Variants in CADPS2 observed in about 807,000 individuals in gnomAD.
CADPS2 encodes the protein calcium dependent secretion activator 2.
CADPS2 carries 93 observed loss-of-function variants against 172.5 expected under a neutral mutation model. That is an observed-to-expected ratio of 0.54 (90% CI 0.46 to 0.64). The LOEUF (loss-of-function observed/expected upper bound fraction) is 0.64, where lower values mean the gene tolerates loss of function less well. CADPS2 is among the 30% of genes least tolerant of loss of function. CADPS2 has a pLI of 0.00. For synonymous variants in CADPS2, 546 were observed against 555.2 expected, an observed-to-expected ratio of 0.98 and a Z score of 0.23; for missense variants, 1,420 against 1,565.9, an observed-to-expected ratio of 0.91 and a Z score of 1.57.
chr7:122,585,728 T>C (rs969922907), intron 6 of CADPS2: 14 of 151,942 alleles, frequency 9.2e-5, no homozygotes, highest in African/African-American at 3.4e-4. Context: ...CCAAGGTAAA[T>C]GTTCGAATGA....
intron 7 of CADPS2, among the ~76,000 whole-genome samples, chr7:122,574,696 G>C (rs1399581757): frequency 6.6e-6 from 1 of 151,440 alleles, no homozygotes; most frequent in Non-Finnish European, 1.5e-5. Flanking sequence ...GGAAAAGGAA[G>C]ATAGTAAAGG....
intron 1 of CADPS2, among the ~76,000 whole-genome samples, chr7:122,790,391 C>T (rs371390195): frequency 1.5e-5 from 2 of 131,866 alleles, no homozygotes; most frequent in Non-Finnish European, 3.1e-5. Flanking sequence ...AGCCAGACAG[C>T]GTTTCTAAAA....
chr7:122,801,757 C>A (rs1322842602), intron 1 of CADPS2, among the ~76,000 whole-genome samples: 1 of 143,950 alleles, frequency 6.9e-6, no homozygotes, highest in African/African-American at 2.7e-5. Context: ...CCAAGAGAAT[C>A]TTTTTTTTTA....
At chr7:122,366,111 TG>T (rs1188063754) in intron 25 of CADPS2, among the ~76,000 whole-genome samples, 2 of 151,508 alleles carry the variant, frequency 1.3e-5, no homozygotes, top group African/African-American at 4.8e-5. Flanking sequence ...TTTTTTTTTT[TG>T]TTAAGATCAG....
At chr7:122,446,714 G>A (rs982360994) in intron 15 of CADPS2, among the ~76,000 whole-genome samples, 5 of 152,096 alleles carry the variant, frequency 3.3e-5, no homozygotes, top group Non-Finnish European at 7.4e-5. Context: ...CTCTCCTTTA[G>A]ACCTCTGACC....
chr7:122,552,775 GTTTT>G (rs61517518), intron 8 of CADPS2, among the ~76,000 whole-genome samples: 30 of 137,096 alleles, frequency 2.2e-4, no homozygotes, highest in African/African-American at 7.6e-4. Context: ...ATAGGTTCCT[GTTTT>G]TTTTTTTTTT....
At chr7:122,819,600 C>A (rs1452935361) in intron 1 of CADPS2, among the ~76,000 whole-genome samples, 1 of 148,028 alleles carries the variant, frequency 6.8e-6, no homozygotes, top group African/African-American at 2.5e-5. Flanking sequence ...CCTCTTAAAA[C>A]TCCCCAACTC....
intron 2 of CADPS2, among the ~76,000 whole-genome samples, chr7:122,732,132 C>T (rs2091704990): frequency 6.6e-6 from 1 of 151,520 alleles, no homozygotes. Flanking sequence ...GAAAACACCA[C>T]ATAGAAATAC....
intron 8 of CADPS2, among the ~76,000 whole-genome samples, chr7:122,537,454 T>G (rs2131484953): frequency 6.6e-6 from 1 of 151,616 alleles, no homozygotes; most frequent in African/African-American, 2.4e-5. Flanking sequence ...TAGGTGAAAA[T>G]TTTACACAAA....
intron 14 of CADPS2, among the ~76,000 whole-genome samples, chr7:122,465,525 GT>G (rs2055021477): frequency 6.6e-6 from 1 of 152,122 alleles, no homozygotes; most frequent in East Asian, 1.9e-4. Context: ...TCGGCATTAG[GT>G]TCTCACAGGA....
At chr7:122,826,191 C>T (rs1804819365) in intron 1 of CADPS2, among the ~76,000 whole-genome samples, 1 of 152,152 alleles carries the variant, frequency 6.6e-6, no homozygotes, top group Non-Finnish European at 1.5e-5. Context: ...GCAGAAATCC[C>T]ACCCCAACCC....
At chr7:122,697,825 G>C in intron 2 of CADPS2, 1 of 1,605,158 alleles carries the variant, frequency 6.2e-7, no homozygotes, top group Non-Finnish European at 8.5e-7. Flanking sequence ...TACTGAATGA[G>C]GCTGGATGTC....
chr7:122,865,554 T>C (rs1818090439), intron 1 of CADPS2, among the ~76,000 whole-genome samples: 1 of 152,204 alleles, frequency 6.6e-6, no homozygotes, highest in Non-Finnish European at 1.5e-5. Flanking sequence ...GTCTCTGGCT[T>C]GTATCTGACT....
intron 1 of CADPS2, among the ~76,000 whole-genome samples, chr7:122,744,124 G>T (rs193189761): frequency 3.3e-5 from 5 of 152,308 alleles, no homozygotes; most frequent in African/African-American, 9.6e-5. Context: ...CTGACTTCCA[G>T]GAAACTGTAA....
chr7:122,864,092 T>C (rs1817675454), intron 1 of CADPS2, among the ~76,000 whole-genome samples: 1 of 152,042 alleles, frequency 6.6e-6, no homozygotes, highest in African/African-American at 2.4e-5. Context: ...CATAAAATAA[T>C]CAACCTTAGG....
intron 27 of CADPS2, among the ~76,000 whole-genome samples, chr7:122,355,627 G>A (rs2039294177): frequency 6.6e-6 from 1 of 151,554 alleles, no homozygotes; most frequent in African/African-American, 2.4e-5. Flanking sequence ...TTATAAGAAG[G>A]TATTGCCTTC....
Position 122,441,503 on chromosome 7 carries a change from C to A in CADPS2, c.2352+9G>T. Reference sequence around the variant, plus strand: ...CAAATAGTATTTATAAAGTAATGTTCAAACATACCCTTTCAAGTAATGAAA... The same window carrying A: ...CAAATAGTATTTATAAAGTAATGTTAAAACATACCCTTTCAAGTAATGAAA... On this transcript the variant is annotated intron_variant, in intron 16 of 29. Transcript: ENST00000449022. 6.6e-7 allele frequency: 1 copy of A among 1,515,762 alleles called. No individual in the cohort carries two copies. The highest frequency in any genetic ancestry group is 1.3e-5 in the South Asian group (1 of 78,820). The allele number at this position is 1,515,762 out of a possible 1,614,324, so 93.9% of individuals were successfully genotyped here.
chr7:122,604,843 T>G (rs1449425865), intron 6 of CADPS2, among the ~76,000 whole-genome samples: 1 of 152,154 alleles, frequency 6.6e-6, no homozygotes, highest in African/African-American at 2.4e-5. Flanking sequence ...CAGTCATGCA[T>G]TGCTTAACGA....
At chr7:122,459,912 C>T (rs1248635346) in intron 14 of CADPS2, among the ~76,000 whole-genome samples, 2 of 152,012 alleles carry the variant, frequency 1.3e-5, no homozygotes, top group African/African-American at 4.8e-5. Flanking sequence ...TATACAATTA[C>T]ATTTAAGAAG....
Sources: allele counts gnomAD v4.1 joint callset (sites outside exome capture counted in the v4.1 genomes callset), GRCh38; gene constraint gnomAD v4.1.1; transcripts MANE v1.5; gene names NCBI Gene and HGNC (gene_info 2026-07-23, HGNC 2026-07-21).